SPIRE1: variants seen among roughly 807,000 people sequenced by gnomAD.
SPIRE1 encodes the protein protein spire homolog 1.
A neutral mutation model predicts 94.1 loss-of-function variants in SPIRE1; 40 were observed. The observed-to-expected ratio is 0.43, with a 90% CI of 0.33 to 0.55. The LOEUF (loss-of-function observed/expected upper bound fraction) is 0.55. Ranked by LOEUF, SPIRE1 falls within the 20% of genes least tolerant of loss-of-function variation. SPIRE1 has a pLI of 0.06. For missense variants in SPIRE1, 838 were observed against 975.2 expected (o/e 0.86, Z 1.87); for synonymous variants, 376 against 371.7 (o/e 1.01, Z -0.13).
intron 8 of SPIRE1, 69 bp downstream of exon 8, chr18:12,493,003 G>T: frequency 1.3e-6 from 2 of 1,498,302 alleles, no homozygotes; most frequent in Non-Finnish European, 1.8e-6. Flanking sequence ...ACTTTCATGG[G>T]GCTGGGTGTA....
At chr18:12,519,070 G>A (rs140412339) in intron 4 of SPIRE1, among the ~76,000 whole-genome samples, 1 of 152,250 alleles carries the variant, frequency 6.6e-6, no homozygotes, top group African/African-American at 2.4e-5. Context: ...GATATAACAC[G>A]CTTCTCCTCC....
At chr18:12,656,718 A>T (rs887707833) in intron 1 of SPIRE1, 1 of 980,130 alleles carries the variant, frequency 1.0e-6, no homozygotes, top group African/African-American at 1.8e-5. Flanking sequence ...CCTCCTCTTC[A>T]ATGAGCATCT....
chr18:12,544,496 G>A (rs919394294), intron 3 of SPIRE1, among the ~76,000 whole-genome samples: 1 of 150,334 alleles, frequency 6.7e-6, no homozygotes, highest in African/African-American at 2.4e-5. Flanking sequence ...CAGCTATCGC[G>A]CCCAGTCGTT....
At chr18:12,457,137 A>G (rs879013963) in intron 12 of SPIRE1, among the ~76,000 whole-genome samples, 1 of 152,122 alleles carries the variant, frequency 6.6e-6, no homozygotes, top group Non-Finnish European at 1.5e-5. Context: ...GGCCATCATG[A>G]GATATAATTT....
At chr18:12,460,188 T>C (rs1040902041) in intron 12 of SPIRE1, among the ~76,000 whole-genome samples, 1 of 152,192 alleles carries the variant, frequency 6.6e-6, no homozygotes, top group African/African-American at 2.4e-5. Context: ...GCAAACACTC[T>C]GAGTTTCCTC....
chr18:12,580,397 C>T (rs2036224489), intron 2 of SPIRE1, among the ~76,000 whole-genome samples: 1 of 151,988 alleles, frequency 6.6e-6, no homozygotes, highest in South Asian at 2.1e-4. Context: ...GATCTTGGCT[C>T]ACTGCAATCT....
chr18:12,635,350 T>C (rs973505397), intron 1 of SPIRE1, among the ~76,000 whole-genome samples: 1 of 152,130 alleles, frequency 6.6e-6, no homozygotes. Flanking sequence ...AAAACATATG[T>C]ACATATTTAA....
At chr18:12,581,387 T>C (rs2036252429) in intron 2 of SPIRE1, among the ~76,000 whole-genome samples, 1 of 152,114 alleles carries the variant, frequency 6.6e-6, no homozygotes, top group African/African-American at 2.4e-5. Flanking sequence ...CGCTATACAA[T>C]GTATAATTTC....
intron 2 of SPIRE1, chr18:12,588,382 T>C (rs1271536692): frequency 2.0e-5 from 3 of 152,446 alleles, no homozygotes; most frequent in Admixed American, 1.3e-4. Flanking sequence ...TTACAGTTAA[T>C]AGTGGCTTTC....
chr18:12,479,809 T>G lies in SPIRE1; in HGVS notation c.1294A>C (p.Thr432Pro). 1.9e-6 allele frequency: 3 copies of G among 1,614,166 alleles called. No individual in the cohort carries two copies. The highest frequency in any genetic ancestry group is 2.5e-6 in the Non-Finnish European group (3 of 1,180,008). The stretch of plus-strand genomic sequence containing the variant: ...AACCCGTTTTCTTTTGTTTGTGATG[T>G]CAAACCTCCATTCACCATAGATGAC... ...VESSMVNGGL[T>P]SQTKENGLST... Residue 432 changes from threonine to proline, a missense_variant, in exon 10 of 17, where the codon ACA becomes CCA. By Grantham distance (38) the Thr-to-Pro change is conservative. Coordinates refer to ENST00000409402, the MANE Select transcript of SPIRE1 (RefSeq NM_001128626.2).
chr18:12,602,836 C>T (rs9946336), intron 2 of SPIRE1, among the ~76,000 whole-genome samples: 8 of 152,282 alleles, frequency 5.3e-5, no homozygotes, highest in African/African-American at 1.9e-4. Context: ...GCTCTAATAT[C>T]GCTGTAGGAT....
chr18:12,621,476 T>G (rs1331980510), intron 2 of SPIRE1, among the ~76,000 whole-genome samples: 4 of 152,210 alleles, frequency 2.6e-5, no homozygotes. Flanking sequence ...AATTCAAATG[T>G]CCATCAACTG....
intron 16 of SPIRE1, chr18:12,450,596 AC>A: frequency 1.8e-6 from 1 of 552,768 alleles, no homozygotes. Context: ...GAGGTGGAAG[AC>A]AATGTCTGGG....
chr18:12,569,533 A>G (rs544069193), intron 2 of SPIRE1, among the ~76,000 whole-genome samples: 8 of 152,212 alleles, frequency 5.3e-5, no homozygotes, highest in Admixed American at 2.0e-4. Flanking sequence ...TGACTGAAAC[A>G]TAAGAGTACC....
Position 12,495,852 on chromosome 18 carries a change from C to CT in SPIRE1, c.1059+163dup, listed in dbSNP as rs879193224. On this transcript the variant is annotated intron_variant, in intron 7 of 16. Transcript: ENST00000409402. ...CCAGCCTGGGTGACACAGTGAAACT[C>CT]TGTCTTAAAAACAAAAAATATAATT... 7.2e-5 allele frequency among the ~76,000 whole-genome samples: 11 copies of CT among 152,268 alleles called. No individual in the cohort carries two copies. The South Asian group carries it at 2.3e-3, about 32-fold the overall frequency.
chr18:12,495,899 G>C (rs1454853191), intron 7 of SPIRE1, 117 bp downstream of exon 7: 2 of 710,678 alleles, frequency 2.8e-6, no homozygotes, highest in Non-Finnish European at 4.8e-6. Flanking sequence ...TTCATCTTCA[G>C]AGTAAAAAGC....
At chr18:12,493,460 G>T (rs1485430559) in intron 7 of SPIRE1, among the ~76,000 whole-genome samples, 1 of 152,124 alleles carries the variant, frequency 6.6e-6, no homozygotes, top group East Asian at 1.9e-4. Context: ...AGGCTGGAGT[G>T]CAGTGGTGCA....
intron 2 of SPIRE1, among the ~76,000 whole-genome samples, chr18:12,569,046 ACAGG>A: frequency 6.6e-6 from 1 of 152,338 alleles, no homozygotes; most frequent in Non-Finnish European, 1.5e-5. Flanking sequence ...TCTTAGAAAT[ACAGG>A]CATAACATGG....
chr18:12,615,345 A>AAAAAAAAAAAATATATATATAT, intron 2 of SPIRE1, among the ~76,000 whole-genome samples: 3 of 17,242 alleles, frequency 1.7e-4, no homozygotes, highest in Non-Finnish European at 3.7e-4. Context: ...AAAAAAAAAA[A>AAAAAAAAAAAATATATATATAT]ATATATATAT....
Sources: allele counts gnomAD v4.1 joint callset (sites outside exome capture counted in the v4.1 genomes callset), GRCh38; gene constraint gnomAD v4.1.1; transcripts MANE v1.5; gene names NCBI Gene and HGNC (gene_info 2026-07-23, HGNC 2026-07-21).